Variants in SETBP1 observed in about 807,000 individuals in gnomAD.
SETBP1 encodes SET-binding protein.
A neutral mutation model predicts 101.0 loss-of-function variants in SETBP1; 9 were observed. That is an observed-to-expected ratio of 0.09 (90% CI 0.05 to 0.16). SETBP1 has a LOEUF of 0.16. SETBP1 is among the 10% of genes least tolerant of loss of function. SETBP1 has a pLI of 1.00. For missense variants in SETBP1, 1,858 were observed against 2,033.8 expected (o/e 0.91, Z 1.66); for synonymous variants, 818 against 788.5 (o/e 1.04, Z -0.63).
chr18:44,882,574 A>T (rs916169396), intron 3 of SETBP1, among the ~76,000 whole-genome samples: 1 of 151,790 alleles, frequency 6.6e-6, no homozygotes, highest in African/African-American at 2.4e-5. Flanking sequence ...GCAAAGAAAG[A>T]ATTCTCCAAA....
chr18:44,866,720 A>G (rs918916510), intron 2 of SETBP1, among the ~76,000 whole-genome samples: 2 of 152,228 alleles, frequency 1.3e-5, no homozygotes, highest in African/African-American at 2.4e-5. Flanking sequence ...TCATGCCCGT[A>G]CCTCATCCCA....
intron 2 of SETBP1, among the ~76,000 whole-genome samples, chr18:44,791,018 C>T (rs944168959): frequency 6.6e-6 from 1 of 152,214 alleles, no homozygotes; most frequent in African/African-American, 2.4e-5. Flanking sequence ...TGGGAATACA[C>T]AGGCTGAGCT....
At chr18:45,026,765 G>A (rs371732333) in intron 4 of SETBP1, among the ~76,000 whole-genome samples, 1 of 152,020 alleles carries the variant, frequency 6.6e-6, no homozygotes, top group East Asian at 1.9e-4. Flanking sequence ...ATTTTGTTTG[G>A]TTCTGTCCAT....
chr18:44,910,357 G>A (rs1157285308), intron 3 of SETBP1, among the ~76,000 whole-genome samples: 2 of 152,168 alleles, frequency 1.3e-5, no homozygotes, highest in South Asian at 2.1e-4. Context: ...GTGTTTTTTA[G>A]CATTTTTCCT....
chr18:44,800,830 C>T (rs924604504), intron 2 of SETBP1, among the ~76,000 whole-genome samples: 5 of 152,114 alleles, frequency 3.3e-5, no homozygotes, highest in South Asian at 2.1e-4. Context: ...CACATGCACA[C>T]GTATGTTTAT....
chr18:44,799,367 A>G (rs549306558), intron 2 of SETBP1, among the ~76,000 whole-genome samples: 4 of 152,134 alleles, frequency 2.6e-5, no homozygotes, highest in African/African-American at 7.2e-5. Context: ...CAGATCAAGT[A>G]TAGGTTTTTT....
rs1224893187 is a variant in SETBP1, at chr18:45,034,544, A to T, written c.4001-3941A>T. On this transcript the variant is annotated intron_variant, in intron 4 of 5. Transcript: ENST00000649279. ...TTTCAGAGACTTTTTTAAAAAAAAA[A>T]AATTATCAATAGAGGTCAATAGGTT... Among the ~76,000 whole-genome samples, 3 of 152,174 alleles carry T rather than the reference A, an allele frequency of 2.0e-5. No homozygotes were observed. The East Asian group carries it at 5.8e-4, about 29-fold the overall frequency.
chr18:44,980,731 C>G (rs1456187004), intron 4 of SETBP1, among the ~76,000 whole-genome samples: 1 of 152,148 alleles, frequency 6.6e-6, no homozygotes, highest in Non-Finnish European at 1.5e-5. Context: ...AGAGCCCATC[C>G]CTGCTGCCAG....
intron 3 of SETBP1, among the ~76,000 whole-genome samples, chr18:44,922,164 T>C (rs1599324995): frequency 6.6e-6 from 1 of 152,190 alleles, no homozygotes. Context: ...TAGATTAGGA[T>C]AGTAAGGAGC....
chr18:44,952,553 T>G lies in SETBP1; in HGVS notation c.3213T>G (p.Ala1071=). The G allele has an allele frequency of 3.1e-6, 5 of 1,614,112 alleles. No individual in the cohort carries two copies. The highest frequency in any genetic ancestry group is 3.4e-6 in the Non-Finnish European group (4 of 1,180,032). Residue 1071 remains alanine, a synonymous_variant, in exon 4 of 6, where the codon GCT becomes GCG. Coordinates refer to ENST00000649279, the MANE Select transcript of SETBP1 (RefSeq NM_015559.3). The stretch of plus-strand genomic sequence containing the variant: ...TTGGTTATTACGGTCAGTACCCAGC[T>G]CCTTTGTACCTATCGCACACGCTTG... ...MNLGYYGQYP[A]PLYLSHTLGA... is the part of the protein sequence containing the mutation.
At chr18:44,982,463 C>A (rs1383261152) in intron 4 of SETBP1, among the ~76,000 whole-genome samples, 3 of 152,174 alleles carry the variant, frequency 2.0e-5, no homozygotes, top group African/African-American at 7.2e-5. Context: ...ATTTATGGCT[C>A]TGGTTCGACT....
intron 4 of SETBP1, among the ~76,000 whole-genome samples, chr18:45,023,377 T>C (rs2073105869): frequency 6.6e-6 from 1 of 152,236 alleles, no homozygotes; most frequent in South Asian, 2.1e-4. Flanking sequence ...TGTTCCAGCA[T>C]CTTGTTTCAT....
At chr18:44,796,336 C>T (rs1026090023) in intron 2 of SETBP1, among the ~76,000 whole-genome samples, 20 of 152,154 alleles carry the variant, frequency 1.3e-4, no homozygotes, top group African/African-American at 4.3e-4. Context: ...AGAGCTAGAA[C>T]GGTTCCTGCC....
At chr18:44,850,741 A>G (rs781715523) in intron 2 of SETBP1, among the ~76,000 whole-genome samples, 9 of 152,156 alleles carry the variant, frequency 5.9e-5, no homozygotes, top group Non-Finnish European at 1.3e-4. Context: ...ACCTTTGTAT[A>G]AAGAAGCAGC....
chr18:44,701,731 A>C lies in SETBP1; in HGVS notation c.385A>C (p.Ile129Leu). The C allele has an allele frequency of 6.2e-7, 1 of 1,614,212 alleles. No homozygotes were observed. The highest frequency in any genetic ancestry group is 1.7e-4 in the Middle Eastern group (1 of 6,060). ...GGAGAACTATATATGTCCACCTGAGATCAAGATCACCATCAAGCAGTCTGG... is the reference window on the plus strand; with the variant it reads ...GGAGAACTATATATGTCCACCTGAGCTCAAGATCACCATCAAGCAGTCTGG... ...NLENYICPPE[I>L]KITIKQSGDQ... is the part of the protein sequence containing the mutation. Residue 129 changes from isoleucine to leucine, a missense_variant, in exon 2 of 6, where the codon ATC becomes CTC. Ile to Leu is a conservative substitution (Grantham distance 5). This residue lies in a region of SETBP1 where 581 missense variants were observed against 535.1 expected (regional missense o/e 1.09). Transcript: ENST00000649279.
chr18:44,891,237 T>A lies in SETBP1; in HGVS notation c.540+21954T>A, dbSNP rs1001801678. 5.9e-5 allele frequency among the ~76,000 whole-genome samples: 9 copies of A among 152,010 alleles called. No individual in the cohort carries two copies. In the East Asian group the frequency reaches 1.8e-3, roughly 30 times the overall value. ...CATGATTCAATTACCTCCCACCAGG[T>A]CCCTCCCACAACACGTGAGAATTCA... On this transcript the variant is annotated intron_variant, in intron 3 of 5. Transcript: ENST00000649279.
At chr18:44,770,685 T>G (rs2070853665) in intron 2 of SETBP1, among the ~76,000 whole-genome samples, 1 of 152,204 alleles carries the variant, frequency 6.6e-6, no homozygotes, top group Non-Finnish European at 1.5e-5. Context: ...CCTTTAAAAG[T>G]CTTCAATTGT....
intron 4 of SETBP1, among the ~76,000 whole-genome samples, chr18:45,012,952 A>C (rs1055210035): frequency 5.3e-5 from 8 of 152,244 alleles, no homozygotes; most frequent in African/African-American, 1.9e-4. Flanking sequence ...TCATAAAGCT[A>C]TACTTTGTAA....
intron 4 of SETBP1, among the ~76,000 whole-genome samples, chr18:44,961,476 T>G (rs1488374482): frequency 6.6e-6 from 1 of 152,058 alleles, no homozygotes; most frequent in African/African-American, 2.4e-5. Context: ...GTGCAGAAAA[T>G]GAAAACATTG....
Sources: gnomAD v4.1 joint callset for allele counts (sites outside exome capture counted in the v4.1 genomes callset) on GRCh38, gnomAD v4.1.1 for gene constraint, gnomAD v4.1.1 regional missense constraint, MANE v1.5 for transcripts, NCBI Gene and HGNC (gene_info 2026-07-23, HGNC 2026-07-21) for gene names.